ZIK1: variants seen among roughly 807,000 people sequenced by gnomAD.
ZIK1 encodes zinc finger protein interacting with K protein 1.
A neutral mutation model predicts 10.7 loss-of-function variants in ZIK1; 12 were observed. That is an observed-to-expected ratio of 1.12 (90% CI 0.72 to 1.81). The LOEUF is 1.81. Among genes scored for constraint, ZIK1 ranks in the 40% most tolerant of loss-of-function variants. ZIK1 has a pLI of 0.00. For missense variants in ZIK1, 497 were observed against 585.7 expected (o/e 0.85, Z 1.56); for synonymous variants, 190 against 205.0 (o/e 0.93, Z 0.63).
rs114625101 is a variant in ZIK1 at position 57,588,110 on chromosome 19, C to T, written c.73-429C>T. On this transcript the variant is annotated intron_variant, in intron 2 of 3. Coordinates refer to ENST00000597850, the MANE Select transcript of ZIK1 (RefSeq NM_001010879.4). ...AGGTCTGTGTAGCACTGGATGATGT[C>T]TCAATTTGGCAGGCAGAGGGGTGGA... Among the ~76,000 whole-genome samples the T allele has an allele frequency of 3.8e-3, 577 of 151,916 alleles. 9 individuals carry two copies. The highest frequency in any genetic ancestry group is 0.014 in the African/African-American group (561 of 41,462).
intron 2 of ZIK1, among the ~76,000 whole-genome samples, chr19:57,585,212 A>G (rs1231364967): frequency 1.3e-5 from 2 of 152,196 alleles, no homozygotes; most frequent in Non-Finnish European, 2.9e-5. Flanking sequence ...AATAATGTGT[A>G]AGGTTGGCAG....
chr19:57,584,286 G>GGT lies in ZIK1; in HGVS notation c.-71_-70insGT. 6.5e-7 allele frequency: 1 copy of GGT among 1,530,098 alleles called. No individual in the cohort carries two copies. The allele number at this position is 1,530,098 out of a possible 1,614,324, so 94.8% of individuals were successfully genotyped here. The stretch of plus-strand genomic sequence containing the variant: ...GGTTCTAAGGGTCGGCGGCGGCGGG[G>GGT]TTGACGGCTTTGCCTAGGTCCCTCC... On this transcript the variant is annotated 5_prime_UTR_variant, in exon 1 of 4. Coordinates refer to ENST00000597850, the MANE Select transcript of ZIK1 (RefSeq NM_001010879.4).
rs1226901782 is a variant in ZIK1 at position 57,584,177 on chromosome 19, T to C, written c.-180T>C. 8.1e-7 allele frequency: 1 copy of C among 1,239,540 alleles called. No homozygotes were observed. Among genetic ancestry groups the C allele is most frequent in the Non-Finnish European group, 1.1e-6 (1 of 922,750 alleles). The allele number at this position is 1,239,540 out of a possible 1,614,324, so 76.8% of individuals were successfully genotyped here. ...GTCATTTTTGCAGCGCTTGGGTGCA[T>C]CCAGACCGTCAGAGCTTTGGGAGCG... On this transcript the variant is annotated 5_prime_UTR_variant, in exon 1 of 4. Transcript: ENST00000597850.
At position 57,590,777 on chromosome 19, in the gene ZIK1, T is replaced by G; in HGVS notation, c.966T>G (p.Pro322=). The change falls in exon 4 of 4, where the codon CCT becomes CCG. Residue 322 remains proline, a synonymous_variant. Transcript: ENST00000597850. ...AGAAAATACACACTGGAGCAAGGCC[T>G]TATGAGTGTAGCCAGTGTGGGAAAT... is the stretch of plus-strand genomic sequence containing the variant. ...DHQKIHTGAR[P]YECSQCGKSF... The G allele has an allele frequency of 6.2e-7, 1 of 1,614,198 alleles. No individual in the cohort carries two copies. Among genetic ancestry groups the G allele is most frequent in the Non-Finnish European group, 8.5e-7 (1 of 1,180,032 alleles).
At chr19:57,584,842 G>C (rs1392505941) in intron 1 of ZIK1, 110 bp from the exon 2 acceptor site, 2 of 1,300,148 alleles carry the variant, frequency 1.5e-6, no homozygotes, top group African/African-American at 3.0e-5. Context: ...CAGAAATAAT[G>C]CAGGCATCCT....
At chr19:57,584,545 G>A (rs2123410481) in intron 1 of ZIK1, 156 bp downstream of exon 1, 1 of 1,419,606 alleles carries the variant, frequency 7.0e-7, no homozygotes, top group East Asian at 2.7e-5. Flanking sequence ...GAGGGTTACA[G>A]GCAAAGGGAC....
At chr19:57,587,505 C>G (rs1453689416) in intron 2 of ZIK1, among the ~76,000 whole-genome samples, 1 of 152,134 alleles carries the variant, frequency 6.6e-6, no homozygotes, top group African/African-American at 2.4e-5. Context: ...GGCCAGAGAG[C>G]TACTATCTAG....
intron 2 of ZIK1, among the ~76,000 whole-genome samples, chr19:57,586,731 C>T (rs1374246079): frequency 6.6e-6 from 1 of 152,160 alleles, no homozygotes. Flanking sequence ...TTTCACACTG[C>T]TGATAAAGAC....
At position 57,591,927 on chromosome 19, in the gene ZIK1, G is replaced by C. The variant is rs1392050098; in HGVS notation, c.*652G>C. The C allele has an allele frequency of 6.6e-6, 1 of 152,194 alleles. No individual in the cohort carries two copies. The highest frequency in any genetic ancestry group is 2.4e-5 in the African/African-American group (1 of 41,436). The allele number at this position is 152,194 out of a possible 1,614,324, so 9.4% of individuals were successfully genotyped here. ...GGATGGCTTTTGTGGGCCTCTGCAG[G>C]AAAGTAAGATGACAGAGTAATTCTA... On this transcript the variant is annotated 3_prime_UTR_variant, in exon 4 of 4. Coordinates refer to ENST00000597850, the MANE Select transcript of ZIK1 (RefSeq NM_001010879.4).
Position 57,590,313 on chromosome 19 carries a change from C to T in ZIK1, c.502C>T (p.Arg168Cys), listed in dbSNP as rs199973825. The T allele has an allele frequency of 3.0e-5, 48 of 1,614,052 alleles. No homozygotes were observed. Among genetic ancestry groups the T allele is most frequent in the Non-Finnish European group, 3.6e-5 (43 of 1,180,042 alleles). The change falls in exon 4 of 4, where the codon CGC (arginine) becomes TGC (cysteine). Residue 168 changes from arginine to cysteine, a missense_variant. Physicochemically the swap from Arg to Cys is radical, Grantham distance 180. Coordinates refer to ENST00000597850, the MANE Select transcript of ZIK1 (RefSeq NM_001010879.4). ...CLFCMSLKPF[R>C]KWEVGKDLPA... ...ATTCTGTATGTCATTGAAGCCCTTT[C>T]GCAAATGGGAGGTTGGAAAGGACCT...
Position 57,592,928 on chromosome 19 carries a change from T to G in ZIK1, c.*1653T>G, listed in dbSNP as rs916605550. ...CTGTTTTACAATCTCTGCGTGTACT[T>G]TCCAGGCCTTCAGGAGTCCTGTCAT... On this transcript the variant is annotated 3_prime_UTR_variant, in exon 4 of 4. Coordinates refer to ENST00000597850, the MANE Select transcript of ZIK1 (RefSeq NM_001010879.4). The G allele has an allele frequency of 2.0e-5, 3 of 152,090 alleles. No individual in the cohort carries two copies. The South Asian group carries it at 6.2e-4, about 32-fold the overall frequency. The allele number at this position is 152,090 out of a possible 1,614,324, so 9.4% of individuals were successfully genotyped here. A position where few individuals can be genotyped will look rare whatever the true frequency, so the allele number is the denominator to read the frequency against.
rs1227700686 is a variant in ZIK1, at chr19:57,593,208, A to ATTTTTTTTTTTTTTTTT, written c.*1938_*1939insTTTTTTTTTTTTTTTTT. On this transcript the variant is annotated 3_prime_UTR_variant, in exon 4 of 4. Coordinates refer to ENST00000597850, the MANE Select transcript of ZIK1 (RefSeq NM_001010879.4). The stretch of plus-strand genomic sequence containing the variant: ...AGGCATGCACTACCACGCCCAACTA[A>ATTTTTTTTTTTTTTTTT]TTTTTGTATTTTTAGTAGAGATGTG... 9 of 150,248 alleles carry ATTTTTTTTTTTTTTTTT rather than the reference A, an allele frequency of 6.0e-5. No individual in the cohort carries two copies. The highest frequency in any genetic ancestry group is 2.1e-4 in the South Asian group (1 of 4,772). 9.3% of individuals were successfully genotyped at this position (150,248 alleles called of 1,614,324 possible). A position where few individuals can be genotyped will look rare whatever the true frequency, so the allele number is the denominator to read the frequency against.
chr19:57,584,248 G>T lies in ZIK1; in HGVS notation c.-109G>T. The T allele has an allele frequency of 6.8e-7, 1 of 1,474,216 alleles. No homozygotes were observed. The highest frequency in any genetic ancestry group is 9.0e-7 in the Non-Finnish European group (1 of 1,109,716). 91.3% of individuals were successfully genotyped at this position (1,474,216 alleles called of 1,614,324 possible). ...AAGGCGCGAGGGGAGGGGTCCTCCCGCTGAACAGTGGGGGTTCTAAGGGTC... is the reference window on the plus strand; with the variant it reads ...AAGGCGCGAGGGGAGGGGTCCTCCCTCTGAACAGTGGGGGTTCTAAGGGTC... On this transcript the variant is annotated 5_prime_UTR_variant, in exon 1 of 4. Coordinates refer to ENST00000597850, the MANE Select transcript of ZIK1 (RefSeq NM_001010879.4).
At position 57,584,986 on chromosome 19, in the gene ZIK1, C is replaced by T. The variant is rs546449810; in HGVS notation, c.68C>T (p.Thr23Ile). ...TVSPETHMDL[T>I]KGCVTFEDIA... ...TCTCCAGAAACACATATGGACCTCA[C>T]AAAGGTGAGTGGAGGGTGTCCCAGG... Residue 23 changes from threonine (T) to isoleucine (I), a missense_variant, in exon 2 of 4, where the codon ACA becomes ATA. By Grantham distance (89) the Thr-to-Ile change is moderately conservative. Transcript: ENST00000597850. 2 of 1,613,680 alleles carry T rather than the reference C, an allele frequency of 1.2e-6. No individual in the cohort carries two copies. Among genetic ancestry groups the T allele is most frequent in the East Asian group, 2.2e-5 (1 of 44,824 alleles).
intron 2 of ZIK1, among the ~76,000 whole-genome samples, chr19:57,585,260 T>C (rs1271101696): frequency 1.3e-5 from 2 of 152,198 alleles, no homozygotes; most frequent in African/African-American, 4.8e-5. Context: ...AACTCTCCTT[T>C]CTTTCTCATG....
Position 57,591,393 on chromosome 19 carries a change from G to T in ZIK1, c.*118G>T, listed in dbSNP as rs1346231707. On this transcript the variant is annotated 3_prime_UTR_variant, in exon 4 of 4. Coordinates refer to ENST00000597850, the MANE Select transcript of ZIK1 (RefSeq NM_001010879.4). ...GACCTACAGGGAAAGTGCTGTCTCT[G>T]TAGTATTGTAGCAGTAGAGAGCCTT... The T allele has an allele frequency of 5.8e-6, 6 of 1,028,874 alleles. No homozygotes were observed. Among genetic ancestry groups the T allele is most frequent in the Admixed American group, 2.7e-5 (1 of 37,002 alleles). 63.7% of individuals were successfully genotyped at this position (1,028,874 alleles called of 1,614,324 possible).
chr19:57,589,296 G>GT (rs1157386738), intron 3 of ZIK1: 2 of 985,222 alleles, frequency 2.0e-6, no homozygotes, highest in Non-Finnish European at 2.4e-6. Context: ...GTGGCAACTG[G>GT]TTGGGGGCAT....
chr19:57,586,186 G>A (rs536820747), intron 2 of ZIK1, among the ~76,000 whole-genome samples: 1 of 152,288 alleles, frequency 6.6e-6, no homozygotes, highest in South Asian at 2.1e-4. Context: ...AATCCAAAAG[G>A]TGGTGGCCAG....
At chr19:57,587,368 G>C (rs752691265) in intron 2 of ZIK1, among the ~76,000 whole-genome samples, 1 of 152,156 alleles carries the variant, frequency 6.6e-6, no homozygotes, top group African/African-American at 2.4e-5. Flanking sequence ...CTGTGTCCCC[G>C]CAAAATTCAT....
Sources: allele counts gnomAD v4.1 joint callset (sites outside exome capture counted in the v4.1 genomes callset), GRCh38; gene constraint gnomAD v4.1.1; transcripts MANE v1.5; gene names NCBI Gene and HGNC (gene_info 2026-07-23, HGNC 2026-07-21).